The following ZSWIM4 variants were observed in gnomAD, a reference collection of about 807,000 sequenced individuals.
ZSWIM4 encodes zinc finger SWIM-type containing 4, also known as zinc finger SWIM domain-containing protein 4.
Under a neutral mutation model 102.5 loss-of-function variants are expected in ZSWIM4, and 62 were observed. The observed-to-expected ratio is 0.60, with a 90% CI of 0.49 to 0.75. ZSWIM4 has a LOEUF of 0.75. Ranked by LOEUF, ZSWIM4 falls within the 30% of genes least tolerant of loss-of-function variation. The pLI, the probability that ZSWIM4 is intolerant of heterozygous loss-of-function variation, is 0.00. For missense variants in ZSWIM4, 1,280 were observed against 1,529.6 expected, an observed-to-expected ratio of 0.84 and a Z score of 2.72; for synonymous variants, 652 against 674.5, an observed-to-expected ratio of 0.97 and a Z score of 0.52.
Position 13,799,846 on chromosome 19 carries a change from C to T in ZSWIM4, c.280C>T (p.His94Tyr). The T allele has an allele frequency of 1.6e-5, 26 of 1,613,848 alleles. No homozygotes were observed. The highest frequency in any genetic ancestry group is 2.1e-5 in the Non-Finnish European group (25 of 1,180,002). The change falls in exon 2 of 14, where the codon CAC becomes TAC. Residue 94 changes from histidine (H) to tyrosine (Y), a missense_variant. By Grantham distance (83) the His-to-Tyr change is moderately conservative. Transcript: ENST00000590508. ...GGGTTACCCGCCCCCAGAGGGCGAGCACGATGCCCGGGTGCCCTTTACCCG... is the reference window on the plus strand; with the variant it reads ...GGGTTACCCGCCCCCAGAGGGCGAGTACGATGCCCGGGTGCCCTTTACCCG... The part of the protein sequence containing the change: ...SLGYPPPEGE[H>Y]DARVPFTRGL...
Position 13,808,740 on chromosome 19 carries a change from CAAAAAAAAAA to C in ZSWIM4, c.713-84_713-75del, listed in dbSNP as rs755959483. On this transcript the variant is annotated intron_variant, in intron 3 of 13. Transcript: ENST00000590508. ...GGCAAGAAGAGCCAAACTCCGTCTC[CAAAAAAAAAA>C]AAAAAAAAAAAGGACAGCTCTCCTC... is the stretch of plus-strand genomic sequence containing the variant. 6.0e-6 allele frequency: 5 copies of C among 834,240 alleles called. No individual in the cohort carries two copies. In the South Asian group the frequency reaches 6.6e-5, roughly 11 times the overall value. The allele number at this position is 834,240 out of a possible 1,614,324, so 51.7% of individuals were successfully genotyped here.
chr19:13,810,801 G>A (rs1302893039), intron 5 of ZSWIM4, among the ~76,000 whole-genome samples: 8 of 150,490 alleles, frequency 5.3e-5, no homozygotes, highest in East Asian at 2.0e-4. Flanking sequence ...TAGTAGCAAC[G>A]GGGTTTCACT....
intron 9 of ZSWIM4, among the ~76,000 whole-genome samples, chr19:13,818,542 G>A (rs989251769): frequency 6.6e-6 from 1 of 152,022 alleles, no homozygotes; most frequent in Non-Finnish European, 1.5e-5. Context: ...AGTGTGCCTG[G>A]AGTCTCTTCT....
intron 12 of ZSWIM4, among the ~76,000 whole-genome samples, chr19:13,828,089 T>C (rs10422746): frequency 0.11 from 16,943 of 152,208 alleles, 1,140 homozygotes; most frequent in African/African-American, 0.19. Flanking sequence ...TGCAGAAAGC[T>C]TCACCTACGC....
rs779124116 is a variant in ZSWIM4, at chr19:13,799,717, C to T, written c.154-3C>T. On this transcript the variant is annotated splice_region_variant and splice_polypyrimidine_tract_variant and intron_variant, in intron 1 of 13. Coordinates refer to ENST00000590508, the MANE Select transcript of ZSWIM4 (RefSeq NM_001367834.3). Reference sequence around the variant, plus strand: ...GCTCCTAACCCACTGGCCCTTCCTACAGGTGGAGGAGCGGTTCTCCCGGGT... The same window carrying T: ...GCTCCTAACCCACTGGCCCTTCCTATAGGTGGAGGAGCGGTTCTCCCGGGT... 10 of 1,613,784 alleles carry T rather than the reference C, an allele frequency of 6.2e-6. No individual in the cohort carries two copies. Among genetic ancestry groups the T allele is most frequent in the East Asian group, 2.2e-5 (1 of 44,892 alleles).
Position 13,795,844 on chromosome 19 carries a change from G to A in ZSWIM4, c.153+43G>A, listed in dbSNP as rs1183546530. 4 of 1,174,770 alleles carry A rather than the reference G, an allele frequency of 3.4e-6. No individual in the cohort carries two copies. The East Asian group carries it at 1.0e-4, about 30-fold the overall frequency. 72.8% of individuals were successfully genotyped at this position (1,174,770 alleles called of 1,614,324 possible). ...GGGCGGGGGCAGGGACGCACCCCCA[G>A]CACCTTCCCCACCTGTCTTCTCCTC... On this transcript the variant is annotated intron_variant, in intron 1 of 13. Coordinates refer to ENST00000590508, the MANE Select transcript of ZSWIM4 (RefSeq NM_001367834.3).
intron 11 of ZSWIM4, among the ~76,000 whole-genome samples, chr19:13,823,896 T>C (rs1383272140): frequency 2.6e-5 from 4 of 152,288 alleles, no homozygotes; most frequent in Non-Finnish European, 5.9e-5. Context: ...AACAAAAATT[T>C]ATTTTCTCAC....
At chr19:13,805,232 T>C in intron 3 of ZSWIM4, 84 bp downstream of exon 3, 1 of 1,273,078 alleles carries the variant, frequency 7.9e-7, no homozygotes, top group Non-Finnish European at 1.1e-6. Flanking sequence ...TGCTGGTCAC[T>C]TACTGACAGA....
intron 12 of ZSWIM4, among the ~76,000 whole-genome samples, chr19:13,828,183 C>T (rs957049606): frequency 2.6e-4 from 40 of 151,988 alleles, no homozygotes; most frequent in African/African-American, 8.2e-4. Flanking sequence ...CTGAGGCGGG[C>T]GGATCACTTG....
rs552166017 is a variant in ZSWIM4 at position 13,812,863 on chromosome 19, G to T, written c.1013-134G>T. On this transcript the variant is annotated intron_variant, in intron 5 of 13. Coordinates refer to ENST00000590508, the MANE Select transcript of ZSWIM4 (RefSeq NM_001367834.3). ...AGTTTGCTTGTCTGTAAGGTGCAAAGGCTGCGAGTTGCAACTTCCGAGGGT... is the reference window on the plus strand; with the variant it reads ...AGTTTGCTTGTCTGTAAGGTGCAAATGCTGCGAGTTGCAACTTCCGAGGGT... 1.8e-5 allele frequency: 16 copies of T among 909,288 alleles called. No individual in the cohort carries two copies. The African/African-American group carries it at 2.2e-4, about 12-fold the overall frequency. The allele number at this position is 909,288 out of a possible 1,614,324, so 56.3% of individuals were successfully genotyped here. A position where few individuals can be genotyped will look rare whatever the true frequency, so the allele number is the denominator to read the frequency against.
intron 9 of ZSWIM4, among the ~76,000 whole-genome samples, chr19:13,818,406 C>G (rs1975362806): frequency 6.6e-6 from 1 of 152,154 alleles, no homozygotes; most frequent in Admixed American, 6.5e-5. Context: ...TATCCCTGCC[C>G]CTTCAAGGCC....
chr19:13,805,220 A>G (rs1324021605), intron 3 of ZSWIM4, 72 bp downstream of exon 3: 1 of 1,337,780 alleles, frequency 7.5e-7, no homozygotes. Context: ...CTGTGTGCCC[A>G]GTGCTGGTCA....
chr19:13,795,892 A>C, intron 1 of ZSWIM4, 91 bp downstream of exon 1: 1 of 869,472 alleles, frequency 1.2e-6, no homozygotes, highest in Non-Finnish European at 1.4e-6. Context: ...CAGACTCCAG[A>C]GCTAACCCAA....
At position 13,799,833 on chromosome 19, in the gene ZSWIM4, C is replaced by T. The variant is rs780560814; in HGVS notation, c.267C>T (p.Pro89=). 1.2e-6 allele frequency: 2 copies of T among 1,613,910 alleles called. No homozygotes were observed. Among genetic ancestry groups the T allele is most frequent in the East Asian group, 2.2e-5 (1 of 44,888 alleles). Residue 89 remains proline, a synonymous_variant, in exon 2 of 14, where the codon CCC becomes CCT. Transcript: ENST00000590508. ...ICMYSSLGYP[P]PEGEHDARVP... Reference sequence around the variant, plus strand: ...TGTACTCGTCGCTGGGTTACCCGCCCCCAGAGGGCGAGCACGATGCCCGGG... The same window carrying T: ...TGTACTCGTCGCTGGGTTACCCGCCTCCAGAGGGCGAGCACGATGCCCGGG...
intron 13 of ZSWIM4, among the ~76,000 whole-genome samples, chr19:13,829,478 C>T (rs1211104585): frequency 6.6e-6 from 1 of 152,042 alleles, no homozygotes; most frequent in Non-Finnish European, 1.5e-5. Flanking sequence ...GTAATTCCAG[C>T]TACTCGGGAG....
rs369264915 is a variant in ZSWIM4, at chr19:13,808,999, G to A, written c.861+15G>A. 2.6e-4 allele frequency: 413 copies of A among 1,609,524 alleles called. No individual in the cohort carries two copies. Among genetic ancestry groups the A allele is most frequent in the Non-Finnish European group, 2.7e-4 (320 of 1,177,234 alleles). On this transcript the variant is annotated intron_variant, in intron 4 of 13. Coordinates refer to ENST00000590508, the MANE Select transcript of ZSWIM4 (RefSeq NM_001367834.3). ...TGTTCAGCAAGGTGCCGTGCGGGCCGGCGGGGCGCGGGGTGCAGAAGGCCC... is the reference window on the plus strand; with the variant it reads ...TGTTCAGCAAGGTGCCGTGCGGGCCAGCGGGGCGCGGGGTGCAGAAGGCCC...
In ZSWIM4 at chr19:13,817,967, C is replaced by T; in HGVS notation, c.1915C>T (p.Leu639=). 6.6e-7 allele frequency: 1 copy of T among 1,511,078 alleles called. No individual in the cohort carries two copies. The allele number at this position is 1,511,078 out of a possible 1,614,324, so 93.6% of individuals were successfully genotyped here. Residue 639 remains leucine (L), a synonymous_variant, in exon 9 of 14, where the codon CTG becomes TTG. Transcript: ENST00000590508. ...VQVLRKQAGL[L]LEGGPFSGFG... ...GGTGCTGCGCAAGCAGGCGGGGCTG[C>T]TGCTGGAAGGTGAGGCCGCGCCCCT...
rs1975759142 is a variant in ZSWIM4, at chr19:13,831,165, G to A, written c.*115G>A. The stretch of plus-strand genomic sequence containing the variant: ...ATTATTAAGTCAGGGAAGGAGCCCG[G>A]CTGGAGATGGGGGCAGGGGGAGCAG... On this transcript the variant is annotated 3_prime_UTR_variant, in exon 14 of 14. Coordinates refer to ENST00000590508, the MANE Select transcript of ZSWIM4 (RefSeq NM_001367834.3). 1 of 1,368,396 alleles carries A rather than the reference G, an allele frequency of 7.3e-7. No individual in the cohort carries two copies. Among genetic ancestry groups the A allele is most frequent in the East Asian group, 2.4e-5 (1 of 41,926 alleles). The allele number at this position is 1,368,396 out of a possible 1,614,324, so 84.8% of individuals were successfully genotyped here.
At chr19:13,800,064 G>GCTTTTT in intron 2 of ZSWIM4, 143 bp downstream of exon 2, 1 of 417,198 alleles carries the variant, frequency 2.4e-6, no homozygotes, top group South Asian at 3.2e-5. Context: ...GATTGTACAA[G>GCTTTTT]ATTTTTTTTT....
Sources: gnomAD v4.1 joint callset for allele counts (sites outside exome capture counted in the v4.1 genomes callset) on GRCh38, gnomAD v4.1.1 for gene constraint, MANE v1.5 for transcripts, NCBI Gene and HGNC (gene_info 2026-07-23, HGNC 2026-07-21) for gene names.